SLC24A2: variants seen among roughly 807,000 people sequenced by gnomAD.
The protein encoded by SLC24A2 is solute carrier family 24 member 2, also known as sodium/potassium/calcium exchanger 2.
In SLC24A2, 36 loss-of-function variants were observed where a neutral mutation model predicts 62.0. The ratio of observed to expected loss-of-function variants is 0.58; its 90% CI spans 0.44 to 0.77. The LOEUF (loss-of-function observed/expected upper bound fraction) is 0.77, where lower values mean the gene tolerates loss of function less well. Ranked by LOEUF, SLC24A2 falls within the 30% of genes least tolerant of loss-of-function variation. The probability of loss-of-function intolerance (pLI) is 0.00; values close to 1 mark genes in which losing one functional copy is unlikely to be tolerated. For missense variants in SLC24A2, 846 were observed against 817.9 expected (o/e 1.03, Z -0.42); for synonymous variants, 358 against 294.0 (o/e 1.22, Z -2.23).
the SLC24A2 span, among the ~76,000 whole-genome samples, chr9:19,813,094 T>C: frequency 6.6e-6 from 1 of 152,176 alleles, no homozygotes; most frequent in South Asian, 2.1e-4. Flanking sequence ...CTTAGTTCTC[T>C]GCCCCTGCCT....
the SLC24A2 span, among the ~76,000 whole-genome samples, chr9:19,982,874 G>A: frequency 6.6e-6 from 1 of 152,040 alleles, no homozygotes; most frequent in South Asian, 2.1e-4. Context: ...TCCAACATAA[G>A]AAAATCAATC....
the SLC24A2 span, among the ~76,000 whole-genome samples, chr9:19,962,289 A>C: frequency 1.3e-5 from 2 of 152,182 alleles, no homozygotes; most frequent in Non-Finnish European, 2.9e-5. Flanking sequence ...GTTTGAAGTC[A>C]GGTAGCGTGA....
chr9:19,654,664 T>C (rs563873745), intron 2 of SLC24A2, among the ~76,000 whole-genome samples: 1 of 152,308 alleles, frequency 6.6e-6, no homozygotes, highest in Non-Finnish European at 1.5e-5. Flanking sequence ...TGTGACCTCC[T>C]TGAGAGTAGC....
intron 2 of SLC24A2, among the ~76,000 whole-genome samples, chr9:19,726,509 A>G (rs1357602008): frequency 1.3e-5 from 2 of 152,182 alleles, no homozygotes; most frequent in African/African-American, 4.8e-5. Context: ...TCCCTGCACA[A>G]CAGGAAAAGG....
intron 2 of SLC24A2, among the ~76,000 whole-genome samples, chr9:19,721,824 C>T (rs1248000964): frequency 6.6e-6 from 1 of 152,004 alleles, no homozygotes; most frequent in African/African-American, 2.4e-5. Flanking sequence ...CTTTGTGAGC[C>T]TTTATGTTTG....
chr9:19,590,951 CT>C (rs776335598), intron 5 of SLC24A2, among the ~76,000 whole-genome samples: 4 of 152,174 alleles, frequency 2.6e-5, no homozygotes, highest in Non-Finnish European at 5.9e-5. Flanking sequence ...CACCTTTTCA[CT>C]GCCCTCCTTT....
intron 8 of SLC24A2, among the ~76,000 whole-genome samples, chr9:19,548,551 C>G (rs1399533556): frequency 6.6e-6 from 1 of 152,178 alleles, no homozygotes; most frequent in African/African-American, 2.4e-5. Context: ...TAAAGGCTGG[C>G]AAAATGTTCA....
chr9:19,515,858 T>C lies in SLC24A2; in HGVS notation c.*295A>G. Reference sequence around the variant, plus strand: ...GATATATATAGCCTGTGTCCTTGTTTGCATCGACTGTACCTCCGACCAGCG... The same window carrying C: ...GATATATATAGCCTGTGTCCTTGTTCGCATCGACTGTACCTCCGACCAGCG... On this transcript the variant is annotated 3_prime_UTR_variant, in exon 11 of 11. Transcript: ENST00000341998. 2.4e-6 allele frequency: 1 copy of C among 422,202 alleles called. No homozygotes were observed. 26.2% of individuals were successfully genotyped at this position (422,202 alleles called of 1,614,324 possible).
chr9:20,020,417 T>G, the SLC24A2 span, among the ~76,000 whole-genome samples: 1 of 152,194 alleles, frequency 6.6e-6, no homozygotes, highest in Admixed American at 6.5e-5. Flanking sequence ...TCATGTCCTT[T>G]GCAAGGACAT....
chr9:19,790,514 G>C (rs549402137), upstream of SLC24A2, among the ~76,000 whole-genome samples: 1 of 142,276 alleles, frequency 7.0e-6, no homozygotes, highest in Non-Finnish European at 1.5e-5. Flanking sequence ...GACCAAAGAC[G>C]GGCTAATTTG....
chr9:19,945,726 A>G, the SLC24A2 span, among the ~76,000 whole-genome samples: 1 of 152,222 alleles, frequency 6.6e-6, no homozygotes, highest in South Asian at 2.1e-4. Context: ...AGGCAGAGCC[A>G]AGATCTCCCC....
At chr9:20,253,539 G>A in the SLC24A2 span, among the ~76,000 whole-genome samples, 5 of 152,136 alleles carry the variant, frequency 3.3e-5, no homozygotes, top group African/African-American at 1.2e-4. Context: ...TCTCAACCTT[G>A]GCTCCGCACT....
chr9:20,252,055 A>G, the SLC24A2 span, among the ~76,000 whole-genome samples: 5 of 152,352 alleles, frequency 3.3e-5, no homozygotes, highest in African/African-American at 1.2e-4. Flanking sequence ...TGGGATCTCC[A>G]TGAATAACAT....
At chr9:20,103,253 T>G in the SLC24A2 span, among the ~76,000 whole-genome samples, 2 of 152,156 alleles carry the variant, frequency 1.3e-5, no homozygotes, top group Non-Finnish European at 2.9e-5. Context: ...CTCTGTAAGC[T>G]CCACCTCTGG....
At chr9:19,734,363 A>G (rs1821434746) in intron 2 of SLC24A2, among the ~76,000 whole-genome samples, 1 of 152,208 alleles carries the variant, frequency 6.6e-6, no homozygotes, top group African/African-American at 2.4e-5. Flanking sequence ...TGACTTGGCA[A>G]TGCGGGCTCT....
intron 2 of SLC24A2, among the ~76,000 whole-genome samples, chr9:19,677,367 G>A (rs1184194257): frequency 6.6e-6 from 1 of 152,148 alleles, no homozygotes. Flanking sequence ...CTTACAAGTA[G>A]GAAACTAAAT....
At chr9:19,608,149 C>T (rs991786934) in intron 4 of SLC24A2, among the ~76,000 whole-genome samples, 4 of 152,092 alleles carry the variant, frequency 2.6e-5, no homozygotes, top group Non-Finnish European at 4.4e-5. Flanking sequence ...ATTTACCAGG[C>T]GGAGGCTGCA....
chr9:19,804,708 A>C, the SLC24A2 span, among the ~76,000 whole-genome samples: 2 of 152,042 alleles, frequency 1.3e-5, no homozygotes, highest in African/African-American at 4.8e-5. Context: ...CTTATTCCTG[A>C]TCTCAGGGGG....
At chr9:19,623,165 G>A (rs1403887660) in intron 2 of SLC24A2, among the ~76,000 whole-genome samples, 1 of 152,074 alleles carries the variant, frequency 6.6e-6, no homozygotes, top group East Asian at 1.9e-4. Context: ...CCAGAACCGG[G>A]GACCACCCTG....
Sources: gnomAD v4.1 joint callset for allele counts (sites outside exome capture counted in the v4.1 genomes callset) on GRCh38, gnomAD v4.1.1 for gene constraint, MANE v1.5 for transcripts, NCBI Gene and HGNC (gene_info 2026-07-23, HGNC 2026-07-21) for gene names.